Variants in MYO5A observed in about 807,000 individuals in gnomAD.
The protein encoded by MYO5A is myosin VA, also known as unconventional myosin-Va.
MYO5A carries 98 observed loss-of-function variants against 249.7 expected under a neutral mutation model. That is an observed-to-expected ratio of 0.39 (90% confidence interval 0.33 to 0.46). The LOEUF is 0.46. Among genes scored for constraint, MYO5A ranks in the 20% least tolerant of loss-of-function variants. MYO5A has a pLI of 0.98. For synonymous variants in MYO5A, 778 were observed against 810.6 expected (o/e 0.96, Z 0.68); for missense variants, 1,696 against 2,308.8 (o/e 0.73, Z 5.44).
At chr15:52,392,180 A>G in intron 11 of MYO5A, 110 bp from the exon 12 acceptor site, 1 of 1,056,626 alleles carries the variant, frequency 9.5e-7, no homozygotes, top group Non-Finnish European at 1.4e-6. Flanking sequence ...AACAACAACA[A>G]CCTCACGGGA....
chr15:52,424,568 G>T (rs1218110542), intron 4 of MYO5A, among the ~76,000 whole-genome samples: 1 of 152,110 alleles, frequency 6.6e-6, no homozygotes, highest in Non-Finnish European at 1.5e-5. Flanking sequence ...AGGGCATAAT[G>T]ATTTCTAGGG....
rs375254191 is a variant in MYO5A, at chr15:52,327,979, T to C, written c.4583A>G (p.Asn1528Ser). The change falls in exon 36 of 42, where the codon AAT becomes AGT. Residue 1528 changes from asparagine to serine, a missense_variant. By Grantham distance (46) the Asn-to-Ser change is conservative. This residue lies in a region of MYO5A where 625 missense variants were observed against 908.1 expected (regional missense o/e 0.69). Coordinates refer to ENST00000399233, the MANE Select transcript of MYO5A (RefSeq NM_001382347.1). ...LELKPRGVAV[N>S]LIPGLPAYIL... The stretch of plus-strand genomic sequence containing the variant: ...ATATGCCGGTAATCCTGGAATCAAA[T>C]TGACTGCTACACCACGTGGCTTCAG... The C allele has an allele frequency of 6.8e-6, 11 of 1,613,692 alleles. No individual in the cohort carries two copies. The highest frequency in any genetic ancestry group is 6.7e-5 in the African/African-American group (5 of 74,894).
intron 1 of MYO5A, among the ~76,000 whole-genome samples, chr15:52,471,037 AAAG>A (rs1438521330): frequency 1.3e-5 from 2 of 151,618 alleles, no homozygotes; most frequent in Non-Finnish European, 1.5e-5. Flanking sequence ...AAAAAAAAAA[AAAG>A]GAAAGGAAAA....
At chr15:52,398,341 CATGTTA>C (rs1237922371) in intron 9 of MYO5A, among the ~76,000 whole-genome samples, 1 of 152,080 alleles carries the variant, frequency 6.6e-6, no homozygotes, top group Non-Finnish European at 1.5e-5. Flanking sequence ...TAATTTAATC[CATGTTA>C]GTACATTATA....
intron 1 of MYO5A, among the ~76,000 whole-genome samples, chr15:52,460,402 C>T (rs374506722): frequency 5.3e-5 from 8 of 152,328 alleles, no homozygotes; most frequent in African/African-American, 1.7e-4. Flanking sequence ...CCCGGCACCT[C>T]GGGAGGCCGA....
intron 40 of MYO5A, among the ~76,000 whole-genome samples, chr15:52,315,204 G>A (rs1490365497): frequency 1.5e-4 from 23 of 152,164 alleles, no homozygotes. Flanking sequence ...TTTAGAAGTT[G>A]AATGGCAGCC....
Position 52,397,321 on chromosome 15 carries a change from C to T in MYO5A, c.1199G>A (p.Arg400His), listed in dbSNP as rs942640629. Reference sequence around the variant, plus strand: ...ATAGATGTGCTTGGCCAAAGCATCGCGGGCATTCGTGGCCTGCAGCTTGGA... The same window carrying T: ...ATAGATGTGCTTGGCCAAAGCATCGTGGGCATTCGTGGCCTGCAGCTTGGA... ...PISKLQATNARDALAKHIYAK... is the reference protein window; with the variant it reads ...PISKLQATNAHDALAKHIYAK... Residue 400 changes from arginine (R) to histidine (H), a missense_variant, in exon 10 of 42, where the codon CGC becomes CAC. Arg to His is a conservative substitution (Grantham distance 29). Transcript: ENST00000399233. 1.2e-6 allele frequency: 2 copies of T among 1,613,852 alleles called. No homozygotes were observed. Among genetic ancestry groups the T allele is most frequent in the Non-Finnish European group, 8.5e-7 (1 of 1,179,986 alleles).
At chr15:52,458,831 T>C (rs1473682806) in intron 1 of MYO5A, among the ~76,000 whole-genome samples, 1 of 152,088 alleles carries the variant, frequency 6.6e-6, no homozygotes, top group African/African-American at 2.4e-5. Context: ...TTTCAAAAGG[T>C]ACCATTTTCA....
intron 1 of MYO5A, among the ~76,000 whole-genome samples, chr15:52,475,684 G>A (rs1305165778): frequency 6.6e-6 from 1 of 152,198 alleles, no homozygotes; most frequent in African/African-American, 2.4e-5. Context: ...CAGTTTCCAT[G>A]TAGTTGTGTG....
chr15:52,505,240 T>G (rs967990595), intron 1 of MYO5A: 2 of 774,652 alleles, frequency 2.6e-6, no homozygotes, highest in Non-Finnish European at 4.8e-6. Context: ...GCTCAATGAT[T>G]ACCTGACAGA....
intron 36 of MYO5A, among the ~76,000 whole-genome samples, chr15:52,324,119 A>G (rs1348126531): frequency 6.6e-6 from 1 of 151,808 alleles, no homozygotes; most frequent in Non-Finnish European, 1.5e-5. Context: ...AGAAAGAGGA[A>G]TAACAAATAT....
intron 37 of MYO5A, 117 bp from the exon 38 acceptor site, chr15:52,321,626 C>T: frequency 9.0e-7 from 1 of 1,105,494 alleles, no homozygotes. Context: ...AGGAGCTTCC[C>T]CACTAATGCC....
intron 23 of MYO5A, 135 bp downstream of exon 23, chr15:52,366,896 A>G: frequency 2.5e-6 from 2 of 785,462 alleles, no homozygotes; most frequent in Non-Finnish European, 4.3e-6. Context: ...GAACTTTATA[A>G]ATTTGCTGAT....
At position 52,319,308 on chromosome 15, in the gene MYO5A, G is replaced by A. The variant is rs770226703; in HGVS notation, c.4986C>T (p.Gly1662=). The A allele has an allele frequency of 9.3e-6, 15 of 1,614,042 alleles. No homozygotes were observed. Among genetic ancestry groups the A allele is most frequent in the Middle Eastern group, 1.6e-4 (1 of 6,084 alleles). The stretch of plus-strand genomic sequence containing the variant: ...ACCCTGTGGGCTTCACCCCAGACAC[G>A]CCCTGAATCGTTTCATGTTCCAGCA... ...SGMLEHETIQ[G]VSGVKPTGLR... is the part of the protein sequence containing the mutation. Residue 1662 remains glycine, a synonymous_variant, in exon 39 of 42, where the codon GGC becomes GGT. Transcript: ENST00000399233.
upstream of MYO5A, chr15:52,528,887 C>T: frequency 2.3e-6 from 3 of 1,287,856 alleles, no homozygotes; most frequent in Non-Finnish European, 3.0e-6. Context: ...GACTAGGAAG[C>T]GCCCGCAGCC....
Position 52,421,031 on chromosome 15 carries a change from C to T in MYO5A, c.456-4730G>A, listed in dbSNP as rs2043762662. On this transcript the variant is annotated intron_variant, in intron 4 of 41. Coordinates refer to ENST00000399233, the MANE Select transcript of MYO5A (RefSeq NM_001382347.1). ...CATGCCTGGCACCATGTTTGGTACA[C>T]AGTAGACCTCAAATATGGTAGATAT... Among the ~76,000 whole-genome samples, 3 of 152,160 alleles carry T rather than the reference C, an allele frequency of 2.0e-5. No homozygotes were observed. The South Asian group carries it at 6.2e-4, about 32-fold the overall frequency.
rs199749277 is a variant in MYO5A at position 52,407,406 on chromosome 15, T to A, written c.839-7A>T. 3 of 1,607,320 alleles carry A rather than the reference T, an allele frequency of 1.9e-6. No homozygotes were observed. In the South Asian group the frequency reaches 3.3e-5, roughly 18 times the overall value. On this transcript the variant is annotated splice_polypyrimidine_tract_variant and splice_region_variant and intron_variant, in intron 7 of 41. Transcript: ENST00000399233. Reference sequence around the variant, plus strand: ...TTAAAGTTATCTGCATTTCCTGTAATGAAGAAAAATAAAAATTTTCTGGTT... The same window carrying A: ...TTAAAGTTATCTGCATTTCCTGTAAAGAAGAAAAATAAAAATTTTCTGGTT...
intron 8 of MYO5A, among the ~76,000 whole-genome samples, chr15:52,406,054 G>A (rs967237446): frequency 1.3e-5 from 2 of 152,174 alleles, no homozygotes; most frequent in Non-Finnish European, 2.9e-5. Flanking sequence ...AGCAGAACTT[G>A]AAGGATAAGG....
intron 21 of MYO5A, among the ~76,000 whole-genome samples, chr15:52,371,870 AAATAATAGTAATAATAATAAT>A (rs1183878227): frequency 8.1e-6 from 1 of 123,710 alleles, no homozygotes; most frequent in African/African-American, 3.2e-5. Context: ...ACCCTGTCTC[AAATAATAGTAATAATAATAAT>A]AATAATAATA....
Sources: gnomAD v4.1 joint callset for allele counts (sites outside exome capture counted in the v4.1 genomes callset) on GRCh38, gnomAD v4.1.1 for gene constraint, gnomAD v4.1.1 regional missense constraint, MANE v1.5 for transcripts, NCBI Gene and HGNC (gene_info 2026-07-23, HGNC 2026-07-21) for gene names.